TRRAP: variants seen among roughly 807,000 people sequenced by gnomAD.
The protein encoded by TRRAP is transformation/transcription domain-associated protein.
A neutral mutation model predicts 438.8 loss-of-function variants in TRRAP; 41 were observed. That is an observed-to-expected ratio of 0.09 (90% CI 0.07 to 0.12). The LOEUF (loss-of-function observed/expected upper bound fraction) is 0.12, where lower values mean the gene tolerates loss of function less well. Ranked by LOEUF, TRRAP falls within the 10% of genes least tolerant of loss-of-function variation. TRRAP has a pLI of 1.00. For missense variants in TRRAP, 3,122 were observed against 5,055.1 expected (o/e 0.62, Z 11.60); for synonymous variants, 1,994 against 1,962.9 (o/e 1.02, Z -0.42).
chr7:98,976,868 G>A lies in TRRAP; in HGVS notation c.8248-71G>A. The stretch of plus-strand genomic sequence containing the variant: ...CCAAATGATTTCAAATGACAGCACA[G>A]TGAAACTATTTTTAGGGGGGAAAAA... On this transcript the variant is annotated intron_variant, in intron 55 of 72. Coordinates refer to ENST00000456197, the MANE Select transcript of TRRAP (RefSeq NM_001375524.1). This position sits in a 1 kb window ranked among gnomAD's most constrained non-coding sequence, Gnocchi z 4.6. 5 of 1,605,106 alleles carry A rather than the reference G, an allele frequency of 3.1e-6. No individual in the cohort carries two copies. The highest frequency in any genetic ancestry group is 2.7e-5 in the African/African-American group (2 of 74,722).
At chr7:98,971,736 GTGTT>G in intron 52 of TRRAP, 59 bp from the exon 53 acceptor site, 1 of 1,562,798 alleles carries the variant, frequency 6.4e-7, no homozygotes, top group East Asian at 2.3e-5. Context: ...TACAGGAGGT[GTGTT>G]TGTTGGGTTT....
chr7:99,004,391 C>G lies in TRRAP; in HGVS notation c.10511C>G (p.Thr3504Arg), dbSNP rs199634355. ...IPGEFLMPKP[T>R]HYYIKIARFM... ...GGGGAGTTTCTGATGCCAAAGCCAA[C>G]GCATTATTACATCAAGATTGCACGG... The change falls in exon 68 of 73, where the codon ACG (threonine) becomes AGG (arginine). Residue 3504 changes from threonine to arginine, a missense_variant. Transcript: ENST00000456197. 1 of 1,614,022 alleles carries G rather than the reference C, an allele frequency of 6.2e-7. No homozygotes were observed.
chr7:98,984,215 C>T lies in TRRAP; in HGVS notation c.9145C>T (p.Leu3049=), dbSNP rs1793057200. The part of the protein sequence containing the change: ...QYGKIARKQG[L]VNVALDILSR... ...TGGAAAAATCGCCCGGAAACAAGGA[C>T]TGGTCAATGTAGCTCTGGATATATT... Residue 3049 remains leucine, a synonymous_variant, in exon 61 of 73, where the codon CTG becomes TTG. Transcript: ENST00000456197. The T allele has an allele frequency of 1.2e-6, 2 of 1,614,154 alleles. No individual in the cohort carries two copies. The highest frequency in any genetic ancestry group is 1.7e-6 in the Non-Finnish European group (2 of 1,180,014).
In TRRAP at chr7:98,994,471, C is replaced by T. The variant is rs73711463; in HGVS notation, c.10048-116C>T. 5.2e-4 allele frequency: 754 copies of T among 1,437,684 alleles called. 3 individuals are homozygous for T. In the African/African-American group the frequency reaches 9.5e-3, roughly 18 times the overall value. The allele number at this position is 1,437,684 out of a possible 1,614,324, so 89.1% of individuals were successfully genotyped here. A position where few individuals can be genotyped will look rare whatever the true frequency, so the allele number is the denominator to read the frequency against. ...CATGCCTGCTGTGTGTGGGTCCTGCCGGGGAGTGCAGAGATGACCCTGGGC... is the reference window on the plus strand; with the variant it reads ...CATGCCTGCTGTGTGTGGGTCCTGCTGGGGAGTGCAGAGATGACCCTGGGC... On this transcript the variant is annotated intron_variant, in intron 66 of 72. Transcript: ENST00000456197. This position sits in a 1 kb window ranked among gnomAD's most constrained non-coding sequence, Gnocchi z 4.8.
At chr7:98,931,748 C>A in intron 26 of TRRAP, 83 bp downstream of exon 26, 1 of 1,540,844 alleles carries the variant, frequency 6.5e-7, no homozygotes, top group South Asian at 1.3e-5. Flanking sequence ...GGTGATACTC[C>A]GTTTATAATT....
rs1220900692 is a variant in TRRAP at position 98,918,265 on chromosome 7, C to G, written c.2622+586C>G. ...TTTTTTTTTGTGATAGAGTCTTGCT[C>G]TGTCTCCCAGGCTGGAGTGCAGAGG... is the stretch of plus-strand genomic sequence containing the variant. On this transcript the variant is annotated intron_variant, in intron 20 of 72. Transcript: ENST00000456197. 3.4e-5 allele frequency among the ~76,000 whole-genome samples: 4 copies of G among 116,402 alleles called. No individual in the cohort carries two copies. The Admixed American group carries it at 4.8e-4, about 14-fold the overall frequency. The allele number at this position is 116,402 out of a possible 152,430, so 76.4% of individuals were successfully genotyped here. A position where few individuals can be genotyped will look rare whatever the true frequency, so the allele number is the denominator to read the frequency against.
At position 98,910,069 on chromosome 7, in the gene TRRAP, A is replaced by G; in HGVS notation, c.1364A>G (p.Lys455Arg). ...TCTTCCCGTTAGGTTTTCGTTCTCA[A>G]ATTCCACACAATTGCTCGGTACCAG... is the stretch of plus-strand genomic sequence containing the variant. The part of the protein sequence containing the change: ...LMRMLEVFVL[K>R]FHTIARYQLS... The change falls in exon 15 of 73, where the codon AAA becomes AGA. Residue 455 changes from lysine to arginine, a missense_variant. Physicochemically the swap from Lys to Arg is conservative, Grantham distance 26 (BLOSUM62 2). This residue lies in a region of TRRAP where 115 missense variants were observed against 124.6 expected (regional missense o/e 0.92). Coordinates refer to ENST00000456197, the MANE Select transcript of TRRAP (RefSeq NM_001375524.1). 6.5e-7 allele frequency: 1 copy of G among 1,537,598 alleles called. No individual in the cohort carries two copies. Among genetic ancestry groups the G allele is most frequent in the African/African-American group, 1.4e-5 (1 of 72,492 alleles).
At chr7:98,944,979 A>G (rs541995146) in intron 31 of TRRAP, among the ~76,000 whole-genome samples, 3 of 151,956 alleles carry the variant, frequency 2.0e-5, no homozygotes, top group East Asian at 3.9e-4. Flanking sequence ...TCATTTTTCT[A>G]TGTTTAGTAG....
chr7:98,884,732 A>G (rs1410138998), intron 3 of TRRAP, among the ~76,000 whole-genome samples: 3 of 152,146 alleles, frequency 2.0e-5, no homozygotes, highest in African/African-American at 7.2e-5. Context: ...TTTACTCCTC[A>G]GCTCAGCAGG....
intron 12 of TRRAP, among the ~76,000 whole-genome samples, chr7:98,905,542 G>A (rs1429604347): frequency 6.6e-6 from 1 of 152,124 alleles, no homozygotes; most frequent in Non-Finnish European, 1.5e-5. Context: ...AGTGGTGACC[G>A]GTTGTTTCTA....
intron 2 of TRRAP, among the ~76,000 whole-genome samples, chr7:98,881,498 G>A (rs61445492): frequency 0.011 from 1,595 of 151,644 alleles, 27 homozygotes; most frequent in African/African-American, 0.036. Flanking sequence ...CTTGAACCCA[G>A]GAGGCAGAGG....
intron 32 of TRRAP, 42 bp downstream of exon 32, chr7:98,945,842 T>C: frequency 6.3e-7 from 1 of 1,581,810 alleles, no homozygotes; most frequent in Non-Finnish European, 8.5e-7. Flanking sequence ...ACTTGCAATG[T>C]GAAGAAAAGT....
Position 98,921,881 on chromosome 7 carries a change from C to G in TRRAP, c.2751C>G (p.Thr917=), listed in dbSNP as rs782635754. 7 of 1,614,182 alleles carry G rather than the reference C, an allele frequency of 4.3e-6. No individual in the cohort carries two copies. Among genetic ancestry groups the G allele is most frequent in the Non-Finnish European group, 4.2e-6 (5 of 1,180,038 alleles). ...CGCAGAAGCTGCACTACGTTGTGAC[C>G]GAGGTTCAGGGCCCCAGCATCACTG... is the stretch of plus-strand genomic sequence containing the variant. ...KESQKLHYVV[T]EVQGPSITVE... is the part of the protein sequence containing the mutation. The change falls in exon 21 of 73, where the codon ACC becomes ACG. Residue 917 remains threonine (T), a synonymous_variant. Transcript: ENST00000456197.
chr7:98,967,078 A>G lies in TRRAP; in HGVS notation c.7214A>G (p.Lys2405Arg). Reference sequence around the variant, plus strand: ...CGGGAGAAGTCCATTTTGCTTGTGAAGATGATGACTTACATAGAAAAACGC... The same window carrying G: ...CGGGAGAAGTCCATTTTGCTTGTGAGGATGATGACTTACATAGAAAAACGC... ...TLREKSILLV[K>R]MMTYIEKRFP... Residue 2405 changes from lysine (K) to arginine (R), a missense_variant, in exon 50 of 73, where the codon AAG (lysine) becomes AGG (arginine). Coordinates refer to ENST00000456197, the MANE Select transcript of TRRAP (RefSeq NM_001375524.1). 1 of 1,614,044 alleles carries G rather than the reference A, an allele frequency of 6.2e-7. No individual in the cohort carries two copies. The highest frequency in any genetic ancestry group is 8.5e-7 in the Non-Finnish European group (1 of 1,179,974).
In TRRAP at chr7:98,978,873, A is replaced by G. The variant is rs1214870864; in HGVS notation, c.8603A>G (p.Asn2868Ser). The G allele has an allele frequency of 4.3e-6, 7 of 1,614,064 alleles. No homozygotes were observed. The highest frequency in any genetic ancestry group is 3.3e-5 in the South Asian group (3 of 91,094). The change falls in exon 58 of 73, where the codon AAC (asparagine) becomes AGC (serine). Residue 2868 changes from asparagine to serine, a missense_variant. By Grantham distance (46) the Asn-to-Ser change is conservative. This residue lies in a region of TRRAP where 992 missense variants were observed against 1,281.2 expected (regional missense o/e 0.77). Coordinates refer to ENST00000456197, the MANE Select transcript of TRRAP (RefSeq NM_001375524.1). ...LVLECAWRVS[N>S]WTAMKEALVQ... is the part of the protein sequence containing the mutation. ...CTGGAGTGCGCCTGGCGGGTGTCCA[A>G]CTGGACTGCCATGAAGGAGGCGCTG...
At chr7:98,945,243 C>T (rs534233431) in intron 31 of TRRAP, among the ~76,000 whole-genome samples, 1 of 152,172 alleles carries the variant, frequency 6.6e-6, no homozygotes, top group Non-Finnish European at 1.5e-5. Context: ...CATGCGTGCA[C>T]ACACACACCC....
In TRRAP at chr7:98,995,656, C is replaced by T. The variant is rs1003292455; in HGVS notation, c.10309+808C>T. Among the ~76,000 whole-genome samples, 4 of 149,350 alleles carry T rather than the reference C, an allele frequency of 2.7e-5. No homozygotes were observed. The East Asian group carries it at 7.9e-4, about 30-fold the overall frequency. Reference sequence around the variant, plus strand: ...TCCTCACCCCACAGTATCCCCCCCCCACCATCTACACACCCCTGTTCCATC... The same window carrying T: ...TCCTCACCCCACAGTATCCCCCCCCTACCATCTACACACCCCTGTTCCATC... On this transcript the variant is annotated intron_variant, in intron 67 of 72. Coordinates refer to ENST00000456197, the MANE Select transcript of TRRAP (RefSeq NM_001375524.1).
At chr7:98,936,878 A>G (rs1554414372) in intron 28 of TRRAP, among the ~76,000 whole-genome samples, 5 of 152,166 alleles carry the variant, frequency 3.3e-5, no homozygotes. Context: ...TCAGGGCCAA[A>G]CACTAGGAAA....
chr7:98,943,150 A>C, intron 31 of TRRAP, 133 bp downstream of exon 31: 1 of 828,742 alleles, frequency 1.2e-6, no homozygotes, highest in South Asian at 1.8e-5. Context: ...GTAAATTGTT[A>C]AACACATTTG....
Sources: allele counts gnomAD v4.1 joint callset (sites outside exome capture counted in the v4.1 genomes callset), GRCh38; gene constraint gnomAD v4.1.1; regional missense constraint gnomAD v4.1.1; non-coding constraint Gnocchi (gnomAD v3.1); transcripts MANE v1.5; gene names NCBI Gene and HGNC (gene_info 2026-07-23, HGNC 2026-07-21).